The following KIAA1217 variants were observed in gnomAD, a reference collection of about 807,000 sequenced individuals.
KIAA1217 encodes the protein KIAA1217, also known as sickle tail protein homolog.
Under a neutral mutation model 163.9 loss-of-function variants are expected in KIAA1217, and 88 were observed. That is an observed-to-expected ratio of 0.54 (90% CI 0.45 to 0.64). The LOEUF (loss-of-function observed/expected upper bound fraction) is 0.64, where lower values mean the gene tolerates loss of function less well. Ranked by LOEUF, KIAA1217 falls within the 30% of genes least tolerant of loss-of-function variation. KIAA1217 has a pLI of 0.00. For missense variants in KIAA1217, 2,372 were observed against 2,475.0 expected (o/e 0.96, Z 0.88); for synonymous variants, 903 against 923.1 (o/e 0.98, Z 0.39).
chr10:23,961,966 G>A (rs2131374186), intron 1 of KIAA1217, among the ~76,000 whole-genome samples: 1 of 152,158 alleles, frequency 6.6e-6, no homozygotes, highest in South Asian at 2.1e-4. Flanking sequence ...TTAGATTATA[G>A]TTCACCCTAA....
chr10:24,033,512 T>C (rs139895481), intron 2 of KIAA1217, among the ~76,000 whole-genome samples: 5 of 152,318 alleles, frequency 3.3e-5, no homozygotes, highest in African/African-American at 9.6e-5. Context: ...AGAATCAATA[T>C]TGGCTGTTCT....
chr10:24,186,896 A>C (rs1368287422), intron 2 of KIAA1217, among the ~76,000 whole-genome samples: 1 of 152,130 alleles, frequency 6.6e-6, no homozygotes, highest in African/African-American at 2.4e-5. Flanking sequence ...TCTAAAAAAA[A>C]CAAAACGAAA....
chr10:24,438,425 G>A lies in KIAA1217; in HGVS notation c.792G>A (p.Lys264=), dbSNP rs1027075735. 2 of 1,613,400 alleles carry A rather than the reference G, an allele frequency of 1.2e-6. No homozygotes were observed. Among genetic ancestry groups the A allele is most frequent in the Non-Finnish European group, 1.7e-6 (2 of 1,179,482 alleles). ...GATCACTCCTCAAAGTGTACAACAA[G>A]GATCCTGCACATGCGTTTAATCACA... ...QDRSLLKVYN[K]DPAHAFNHTP... The change falls in exon 5 of 21, where the codon AAG becomes AAA. Residue 264 remains lysine, a synonymous_variant. Coordinates refer to ENST00000376454, the MANE Select transcript of KIAA1217 (RefSeq NM_019590.5).
Position 24,296,633 on chromosome 10 carries a change from A to G in KIAA1217, c.354+76724A>G, listed in dbSNP as rs1421560253. ...TAGAAAACGTAACCCAACATGTACCATTTTCCTATGACCATTTTGAGTCTT... is the reference window on the plus strand; with the variant it reads ...TAGAAAACGTAACCCAACATGTACCGTTTTCCTATGACCATTTTGAGTCTT... On this transcript the variant is annotated intron_variant, in intron 2 of 20. Transcript: ENST00000376454. Among the ~76,000 whole-genome samples, 3 of 152,044 alleles carry G rather than the reference A, an allele frequency of 2.0e-5. No individual in the cohort carries two copies. The East Asian group carries it at 5.8e-4, about 29-fold the overall frequency.
At chr10:24,285,433 C>T (rs140997981) in intron 2 of KIAA1217, among the ~76,000 whole-genome samples, 2 of 152,272 alleles carry the variant, frequency 1.3e-5, no homozygotes, top group African/African-American at 4.8e-5. Flanking sequence ...CAGTTTCATT[C>T]CTCCGCTTAT....
intron 2 of KIAA1217, among the ~76,000 whole-genome samples, chr10:24,093,022 C>G (rs1006774406): frequency 4.0e-5 from 6 of 151,154 alleles, no homozygotes; most frequent in Non-Finnish European, 7.4e-5. Flanking sequence ...TAGACAAGGT[C>G]TCACTCCGTT....
chr10:24,024,384 C>A (rs1486645896), intron 2 of KIAA1217, among the ~76,000 whole-genome samples: 2 of 151,554 alleles, frequency 1.3e-5, no homozygotes, highest in Non-Finnish European at 3.0e-5. Flanking sequence ...CATAACAATA[C>A]TTTATCCAAG....
upstream of KIAA1217, among the ~76,000 whole-genome samples, chr10:24,207,185 GAC>G (rs2067598518): frequency 6.6e-6 from 1 of 151,954 alleles, no homozygotes; most frequent in Non-Finnish European, 1.5e-5. Context: ...GGGCTCTCTG[GAC>G]ACCAGAGCAA....
At chr10:24,225,114 C>T (rs1280047330) in intron 2 of KIAA1217, among the ~76,000 whole-genome samples, 2 of 152,108 alleles carry the variant, frequency 1.3e-5, no homozygotes, top group Admixed American at 1.3e-4. Flanking sequence ...CGTGAGCCAC[C>T]ATGCCTGGCC....
chr10:23,910,293 T>G (rs938774651), intron 1 of KIAA1217, among the ~76,000 whole-genome samples: 1 of 148,510 alleles, frequency 6.7e-6, no homozygotes, highest in African/African-American at 2.5e-5. Flanking sequence ...GAACTTAAAG[T>G]ATAAAAAAAA....
At chr10:24,093,497 T>C (rs1457771534) in intron 2 of KIAA1217, among the ~76,000 whole-genome samples, 1 of 151,430 alleles carries the variant, frequency 6.6e-6, no homozygotes, top group Admixed American at 6.6e-5. Context: ...AGAGACAAGG[T>C]CTCACTATGT....
At chr10:23,933,332 G>C (rs1186141294) in intron 1 of KIAA1217, among the ~76,000 whole-genome samples, 1 of 152,174 alleles carries the variant, frequency 6.6e-6, no homozygotes, top group Non-Finnish European at 1.5e-5. Flanking sequence ...TGAGATGACT[G>C]TACTGCTTTG....
chr10:24,409,244 A>G (rs1290579442), intron 3 of KIAA1217, among the ~76,000 whole-genome samples: 1 of 152,172 alleles, frequency 6.6e-6, no homozygotes. Context: ...TATGTCAAAT[A>G]TTACTATTTT....
intron 2 of KIAA1217, among the ~76,000 whole-genome samples, chr10:24,341,468 T>A (rs1272699768): frequency 6.6e-6 from 1 of 152,232 alleles, no homozygotes; most frequent in East Asian, 1.9e-4. Flanking sequence ...CCTTTTGCCT[T>A]TCTTTTCATT....
chr10:24,546,324 A>C lies in KIAA1217; in HGVS notation c.5832A>C (p.Ter1944TyrextTer35). Residue 1944 changes from the stop codon to tyrosine (Y), a stop_lost, in exon 21 of 21, where the codon TAA becomes TAC. Coordinates refer to ENST00000376454, the MANE Select transcript of KIAA1217 (RefSeq NM_019590.5). Reference protein sequence around the residue: ...ATPSTAKETS* With the variant: ...ATPSTAKETSY ...CATCCACAGCAAAAGAAACCTCTTAAAGGTCAAATCCTATTAGGCACAAGT... is the reference window on the plus strand; with the variant it reads ...CATCCACAGCAAAAGAAACCTCTTACAGGTCAAATCCTATTAGGCACAAGT... The C allele has an allele frequency of 6.3e-7, 1 of 1,589,952 alleles. No individual in the cohort carries two copies. Among genetic ancestry groups the C allele is most frequent in the Non-Finnish European group, 8.6e-7 (1 of 1,168,734 alleles).
At chr10:23,847,552 T>G (rs555846059) in intron 1 of KIAA1217, among the ~76,000 whole-genome samples, 10 of 151,978 alleles carry the variant, frequency 6.6e-5, no homozygotes, top group Non-Finnish European at 1.5e-4. Flanking sequence ...AGTTTGTATT[T>G]CTGTGGGATA....
intron 5 of KIAA1217, among the ~76,000 whole-genome samples, chr10:24,453,547 GAT>G (rs1218854764): frequency 1.3e-5 from 2 of 152,180 alleles, no homozygotes; most frequent in African/African-American, 4.8e-5. Flanking sequence ...CAAATTATGA[GAT>G]ACTTTGAATA....
intron 3 of KIAA1217, among the ~76,000 whole-genome samples, chr10:24,394,721 C>G (rs1319338123): frequency 6.6e-6 from 1 of 152,196 alleles, no homozygotes; most frequent in African/African-American, 2.4e-5. Flanking sequence ...GCACCTACAT[C>G]CCTGCCGCTC....
intron 2 of KIAA1217, among the ~76,000 whole-genome samples, chr10:24,280,270 A>G (rs2077758418): frequency 6.6e-6 from 1 of 152,216 alleles, no homozygotes; most frequent in African/African-American, 2.4e-5. Context: ...TTGGCAAGGA[A>G]TAGGGGTCCG....
Sources: allele counts gnomAD v4.1 joint callset (sites outside exome capture counted in the v4.1 genomes callset), GRCh38; gene constraint gnomAD v4.1.1; transcripts MANE v1.5; gene names NCBI Gene and HGNC (gene_info 2026-07-23, HGNC 2026-07-21).